Variants in PPP3CA observed in about 807,000 individuals in gnomAD.
The protein encoded by PPP3CA is CAM-PRP catalytic subunit.
Under a neutral mutation model 66.5 loss-of-function variants are expected in PPP3CA, and 14 were observed. The observed-to-expected ratio is 0.21, with a 90% CI of 0.14 to 0.33. The LOEUF is 0.33. Among genes scored for constraint, PPP3CA ranks in the 10% least tolerant of loss-of-function variants. The pLI, the probability that PPP3CA is intolerant of heterozygous loss-of-function variation, is 1.00. For missense variants in PPP3CA, 317 were observed against 639.5 expected, an observed-to-expected ratio of 0.50 and a Z score of 5.44; for synonymous variants, 232 against 226.2, an observed-to-expected ratio of 1.03 and a Z score of -0.23.
intron 2 of PPP3CA, among the ~76,000 whole-genome samples, chr4:101,172,346 G>A (rs1005983614): frequency 1.3e-5 from 2 of 152,100 alleles, no homozygotes; most frequent in African/African-American, 4.8e-5. Context: ...TCTACAGAGA[G>A]AATTATGTAC....
At chr4:101,179,042 G>A (rs1219478748) in intron 2 of PPP3CA, among the ~76,000 whole-genome samples, 2 of 151,968 alleles carry the variant, frequency 1.3e-5, no homozygotes, top group East Asian at 3.9e-4. Context: ...ACTGTTTCTT[G>A]TTATCACCAA....
intron 10 of PPP3CA, among the ~76,000 whole-genome samples, chr4:101,052,332 C>G (rs1230317196): frequency 6.6e-6 from 1 of 151,848 alleles, no homozygotes; most frequent in Admixed American, 6.6e-5. Context: ...AGAATCATAC[C>G]AAACTACATC....
chr4:101,197,668 C>T (rs1263808276), intron 1 of PPP3CA, among the ~76,000 whole-genome samples: 1 of 152,130 alleles, frequency 6.6e-6, no homozygotes, highest in Non-Finnish European at 1.5e-5. Flanking sequence ...TGCCAGGCAT[C>T]GTTTAGGTAA....
chr4:101,222,063 C>T (rs1725643489), intron 1 of PPP3CA, among the ~76,000 whole-genome samples: 1 of 151,462 alleles, frequency 6.6e-6, no homozygotes, highest in Non-Finnish European at 1.5e-5. Flanking sequence ...TATAAAATAA[C>T]TTGTATTTAA....
intron 2 of PPP3CA, among the ~76,000 whole-genome samples, chr4:101,175,471 T>C (rs981457789): frequency 4.6e-5 from 7 of 152,110 alleles, no homozygotes; most frequent in Admixed American, 2.6e-4. Context: ...CAGTGGCAGG[T>C]CCACCATTCC....
chr4:101,090,203 G>A (rs779435183), intron 6 of PPP3CA, among the ~76,000 whole-genome samples: 2 of 152,182 alleles, frequency 1.3e-5, no homozygotes, highest in Non-Finnish European at 2.9e-5. Context: ...GTAGGAGAAT[G>A]AGAAACATTT....
Position 101,026,067 on chromosome 4 carries a change from C to T in PPP3CA, c.1370-6G>A, listed in dbSNP as rs1726633591. ...TGGTGAAAATCCTTTGATAGCTAAA[C>T]AGAAAATCATTAAAAAAAGAAAACC... is the stretch of plus-strand genomic sequence containing the variant. On this transcript the variant is annotated splice_region_variant and splice_polypyrimidine_tract_variant and intron_variant, in intron 13 of 13. Transcript: ENST00000394854. The T allele has an allele frequency of 6.4e-7, 1 of 1,572,622 alleles. No homozygotes were observed. The highest frequency in any genetic ancestry group is 8.6e-7 in the Non-Finnish European group (1 of 1,160,658).
At chr4:101,263,595 G>GTT (rs35101667) in intron 1 of PPP3CA, among the ~76,000 whole-genome samples, 99 of 148,566 alleles carry the variant, frequency 6.7e-4, no homozygotes, top group Middle Eastern at 3.4e-3. Context: ...GATATCTAGT[G>GTT]TTTTTTTTTT....
In PPP3CA at chr4:101,106,406, AAAGAAAG is replaced by A. The variant is rs1730691649; in HGVS notation, c.384+2541_384+2547del. On this transcript the variant is annotated intron_variant, in intron 3 of 13. Coordinates refer to ENST00000394854, the MANE Select transcript of PPP3CA (RefSeq NM_000944.5). Reference sequence around the variant, plus strand: ...GAAAGAAAGAAAGAAAGAAAGAAAGAAAGAAAGAAAGAAAGAAAGAAAGAAAGAAAGA... The same window carrying A: ...GAAAGAAAGAAAGAAAGAAAGAAAGAAAAGAAAGAAAGAAAGAAAGAAAGA... Among the ~76,000 whole-genome samples the A allele has an allele frequency of 4.2e-4, 4 of 9,442 alleles. 1 individual carries two copies. Among genetic ancestry groups the A allele is most frequent in the Admixed American group, 1.8e-3 (1 of 566 alleles). The allele number at this position is 9,442 out of a possible 152,430, so 6.2% of individuals were successfully genotyped here.
chr4:101,332,866 T>C (rs1729433528), intron 1 of PPP3CA, among the ~76,000 whole-genome samples: 1 of 152,190 alleles, frequency 6.6e-6, no homozygotes, highest in African/African-American at 2.4e-5. Context: ...TGTAAACCAA[T>C]GCTCTTTCCA....
chr4:101,263,663 C>T (rs1727077419), intron 1 of PPP3CA, among the ~76,000 whole-genome samples: 1 of 151,720 alleles, frequency 6.6e-6, no homozygotes, highest in African/African-American at 2.4e-5. Context: ...CACCCATATG[C>T]ACACACAAAG....
intron 11 of PPP3CA, 134 bp from the exon 12 acceptor site, chr4:101,032,498 A>C (rs901662900): frequency 1.5e-6 from 1 of 681,504 alleles, no homozygotes; most frequent in African/African-American, 1.8e-5. Context: ...CTTTTTTTAA[A>C]ATTTTTTTTA....
At chr4:101,125,477 G>A (rs1722217139) in intron 2 of PPP3CA, among the ~76,000 whole-genome samples, 3 of 152,138 alleles carry the variant, frequency 2.0e-5, no homozygotes, top group African/African-American at 7.2e-5. Flanking sequence ...ACACTCATGA[G>A]TCAATCACTG....
chr4:101,129,980 T>C (rs1722376263), intron 2 of PPP3CA, among the ~76,000 whole-genome samples: 1 of 151,964 alleles, frequency 6.6e-6, no homozygotes, highest in Non-Finnish European at 1.5e-5. Flanking sequence ...TTTAACCCAA[T>C]GTAAGGAAGC....
intron 11 of PPP3CA, among the ~76,000 whole-genome samples, chr4:101,039,959 T>TTAA (rs573656781): frequency 1.9e-5 from 2 of 107,322 alleles, no homozygotes; most frequent in African/African-American, 6.3e-5. Flanking sequence ...AAATTAATGC[T>TTAA]TAATAATAAT....
At chr4:101,135,267 T>G (rs1248355651) in intron 2 of PPP3CA, among the ~76,000 whole-genome samples, 3 of 151,272 alleles carry the variant, frequency 2.0e-5, no homozygotes, top group African/African-American at 2.4e-5. Flanking sequence ...AAAATCAATA[T>G]GTGAGAAGCC....
intron 2 of PPP3CA, among the ~76,000 whole-genome samples, chr4:101,149,857 G>A (rs961765451): frequency 1.3e-5 from 2 of 152,112 alleles, no homozygotes; most frequent in African/African-American, 4.8e-5. Flanking sequence ...AAACCACATA[G>A]TAAGGTCTTT....
rs1156736728 is a variant in PPP3CA at position 101,106,373 on chromosome 4, AAAAG to A, written c.384+2577_384+2580del. On this transcript the variant is annotated intron_variant, in intron 3 of 13. Coordinates refer to ENST00000394854, the MANE Select transcript of PPP3CA (RefSeq NM_000944.5). Reference sequence around the variant, plus strand: ...AGACCCTGTCTCATTTAAAAGAGAGAAAAGAAAGAAAGAAAGAAAGAAAGAAAGA... The same window carrying A: ...AGACCCTGTCTCATTTAAAAGAGAGAAAAGAAAGAAAGAAAGAAAGAAAGA... Among the ~76,000 whole-genome samples, 56 of 14,106 alleles carry A rather than the reference AAAAG, an allele frequency of 4.0e-3. 1 individual carries two copies. Among genetic ancestry groups the A allele is most frequent in the Non-Finnish European group, 6.4e-3 (40 of 6,228 alleles). 9.3% of individuals were successfully genotyped at this position (14,106 alleles called of 152,430 possible).
chr4:101,316,368 C>G (rs1437449976), intron 1 of PPP3CA, among the ~76,000 whole-genome samples: 1 of 151,258 alleles, frequency 6.6e-6, no homozygotes, highest in Non-Finnish European at 1.5e-5. Flanking sequence ...GCTATAATAC[C>G]CCATTGGAAT....
Sources: allele counts gnomAD v4.1 joint callset (sites outside exome capture counted in the v4.1 genomes callset), GRCh38; gene constraint gnomAD v4.1.1; transcripts MANE v1.5; gene names NCBI Gene and HGNC (gene_info 2026-07-23, HGNC 2026-07-21).